Variants in CNTNAP2 observed in about 807,000 individuals in gnomAD.
CNTNAP2 encodes contactin associated protein 2.
Under a neutral mutation model 155.2 loss-of-function variants are expected in CNTNAP2, and 98 were observed. The observed-to-expected ratio is 0.63, with a 90% CI of 0.54 to 0.75. The LOEUF (loss-of-function observed/expected upper bound fraction) is 0.75. CNTNAP2 is among the 30% of genes least tolerant of loss of function. The pLI, the probability that CNTNAP2 is intolerant of heterozygous loss-of-function variation, is 0.00. For missense variants in CNTNAP2, 1,727 were observed against 1,688.1 expected (o/e 1.02, Z -0.40); for synonymous variants, 651 against 631.2 (o/e 1.03, Z -0.47).
chr7:146,934,169 T>A (rs1042061575), intron 3 of CNTNAP2, among the ~76,000 whole-genome samples: 3 of 151,684 alleles, frequency 2.0e-5, no homozygotes, highest in East Asian at 1.9e-4. Context: ...CTATTCACAA[T>A]AGCAAAGACT....
chr7:147,531,933 A>G (rs1487719518), intron 11 of CNTNAP2, among the ~76,000 whole-genome samples: 2 of 151,012 alleles, frequency 1.3e-5, no homozygotes, highest in African/African-American at 4.9e-5. Flanking sequence ...CAGCCTCCCG[A>G]GTAGCTGGGA....
At chr7:146,348,534 A>G (rs1418959085) in intron 1 of CNTNAP2, among the ~76,000 whole-genome samples, 1 of 152,190 alleles carries the variant, frequency 6.6e-6, no homozygotes, top group Non-Finnish European at 1.5e-5. Context: ...CCCAAAGTGT[A>G]TATTAATTTA....
At chr7:147,493,583 A>G (rs1181406282) in intron 11 of CNTNAP2, among the ~76,000 whole-genome samples, 3 of 151,990 alleles carry the variant, frequency 2.0e-5, no homozygotes, top group Non-Finnish European at 4.4e-5. Flanking sequence ...CAGGAATACT[A>G]GGATGTAGCC....
chr7:146,675,720 C>T (rs1375665393), intron 1 of CNTNAP2, among the ~76,000 whole-genome samples: 1 of 152,126 alleles, frequency 6.6e-6, no homozygotes, highest in Non-Finnish European at 1.5e-5. Flanking sequence ...TAACCCTTCA[C>T]ACACTTTCAC....
chr7:147,055,458 C>T (rs535521139), intron 4 of CNTNAP2, among the ~76,000 whole-genome samples: 62 of 150,328 alleles, frequency 4.1e-4, no homozygotes, highest in African/African-American at 1.5e-3. Flanking sequence ...TTTGCTTGTC[C>T]CTCTGTTTTA....
At chr7:146,483,967 A>G (rs933112607) in intron 1 of CNTNAP2, among the ~76,000 whole-genome samples, 2 of 152,178 alleles carry the variant, frequency 1.3e-5, no homozygotes, top group African/African-American at 4.8e-5. Flanking sequence ...CCCACCACCC[A>G]CTCACTGACT....
intron 15 of CNTNAP2, among the ~76,000 whole-genome samples, chr7:148,089,465 C>A (rs1448710759): frequency 6.6e-6 from 1 of 151,516 alleles, no homozygotes; most frequent in African/African-American, 2.4e-5. Flanking sequence ...TTGTAGGATA[C>A]AAAATCAACA....
rs1347462543 is a variant in CNTNAP2, at chr7:148,267,030, C to A, written c.3382-3C>A. The A allele has an allele frequency of 6.2e-7, 1 of 1,613,834 alleles. No homozygotes were observed. The highest frequency in any genetic ancestry group is 8.5e-7 in the Non-Finnish European group (1 of 1,179,818). ...AAAAGTGTCTCTTGTTTTCCTCCTG[C>A]AGCTCGATCATTATCCTTCTGTGAG... On this transcript the variant is annotated splice_region_variant and splice_polypyrimidine_tract_variant and intron_variant, in intron 20 of 23. Coordinates refer to ENST00000361727, the MANE Select transcript of CNTNAP2 (RefSeq NM_014141.6).
chr7:147,976,854 A>AT (rs397946320), intron 14 of CNTNAP2, among the ~76,000 whole-genome samples: 2 of 151,542 alleles, frequency 1.3e-5, no homozygotes, highest in Non-Finnish European at 2.9e-5. Flanking sequence ...TCAGGGTGGG[A>AT]TTTTTCTGAT....
chr7:147,010,210 A>G (rs774178368), intron 3 of CNTNAP2, among the ~76,000 whole-genome samples: 2 of 151,824 alleles, frequency 1.3e-5, no homozygotes, highest in Non-Finnish European at 2.9e-5. Flanking sequence ...CGGTTTCCCC[A>G]TGTTGGCCAG....
At chr7:147,665,035 C>T (rs543265998) in intron 13 of CNTNAP2, among the ~76,000 whole-genome samples, 2 of 152,252 alleles carry the variant, frequency 1.3e-5, no homozygotes, top group Non-Finnish European at 2.9e-5. Context: ...GTTGTAGATG[C>T]AAAGTTTGAT....
chr7:147,610,835 C>A (rs542693334), intron 12 of CNTNAP2, among the ~76,000 whole-genome samples: 1 of 152,064 alleles, frequency 6.6e-6, no homozygotes, highest in Non-Finnish European at 1.5e-5. Context: ...ACTTCCTGGG[C>A]TCAAGCGATT....
intron 9 of CNTNAP2, among the ~76,000 whole-genome samples, chr7:147,301,590 CTCTGTGTGTGTG>C (rs776755687): frequency 0.15 from 16,344 of 110,506 alleles, 1,105 homozygotes; most frequent in Admixed American, 0.18. Context: ...CTCTCTCTCT[CTCTGTGTGTGTG>C]TGTGTGTGTG....
chr7:146,775,289 T>G (rs939230999), intron 2 of CNTNAP2, among the ~76,000 whole-genome samples: 1 of 152,160 alleles, frequency 6.6e-6, no homozygotes, highest in African/African-American at 2.4e-5. Flanking sequence ...CCTTGAAAAT[T>G]GCTAAAGTAA....
At chr7:146,864,750 G>A (rs2129205939) in intron 3 of CNTNAP2, among the ~76,000 whole-genome samples, 1 of 152,120 alleles carries the variant, frequency 6.6e-6, no homozygotes, top group Non-Finnish European at 1.5e-5. Flanking sequence ...AGTGCTTTGG[G>A]AGGCTGAAGT....
At chr7:147,974,745 G>GA (rs2116860072) in intron 14 of CNTNAP2, among the ~76,000 whole-genome samples, 1 of 152,192 alleles carries the variant, frequency 6.6e-6, no homozygotes, top group East Asian at 1.9e-4. Flanking sequence ...ATGCTTTTGG[G>GA]AAAACTGCTT....
chr7:146,390,608 AATATATATTTTTTTCATGAAATAAAAAT>A (rs1795526525), intron 1 of CNTNAP2, among the ~76,000 whole-genome samples: 2 of 149,974 alleles, frequency 1.3e-5, no homozygotes, highest in African/African-American at 4.9e-5. Flanking sequence ...ATGAAATAAA[AATATATATTTTTTTCATGAAATAAAAAT>A]ATATATATTT....
At chr7:147,082,189 G>A (rs775736479) in intron 4 of CNTNAP2, 12 of 152,170 alleles carry the variant, frequency 7.9e-5, no homozygotes, top group Non-Finnish European at 1.3e-4. Flanking sequence ...TTAAACATTA[G>A]CATTTACAAA....
intron 3 of CNTNAP2, among the ~76,000 whole-genome samples, chr7:146,958,192 C>T (rs957616065): frequency 3.9e-5 from 6 of 152,022 alleles, no homozygotes; most frequent in African/African-American, 1.4e-4. Flanking sequence ...CTTTACGTGA[C>T]ATAGGGAAGA....
Sources: gnomAD v4.1 joint callset for allele counts (sites outside exome capture counted in the v4.1 genomes callset) on GRCh38, gnomAD v4.1.1 for gene constraint, MANE v1.5 for transcripts, NCBI Gene and HGNC (gene_info 2026-07-23, HGNC 2026-07-21) for gene names.